The following ZNF341 variants were observed in gnomAD, a reference collection of about 807,000 sequenced individuals.
ZNF341 encodes zinc finger protein 341.
Under a neutral mutation model 87.7 loss-of-function variants are expected in ZNF341, and 52 were observed. The observed-to-expected ratio is 0.59, with a 90% CI of 0.47 to 0.75. ZNF341 has a LOEUF of 0.75. Ranked by LOEUF, ZNF341 falls within the 30% of genes least tolerant of loss-of-function variation. The pLI, the probability that ZNF341 is intolerant of heterozygous loss-of-function variation, is 0.00. For missense variants in ZNF341, 977 were observed against 1,145.9 expected (o/e 0.85, Z 2.13); for synonymous variants, 459 against 472.7 (o/e 0.97, Z 0.38).
At position 33,732,821 on chromosome 20, in the gene ZNF341, A is replaced by G. The variant is rs538804384; in HGVS notation, c.31+769A>G. On this transcript the variant is annotated intron_variant, in intron 1 of 14. Transcript: ENST00000375200. This position sits in a 1 kb window ranked among gnomAD's most constrained non-coding sequence, Gnocchi z 4.5. ...TGGGCTTTGGAGACAGCAAACACTG[A>G]GCACCTCCATGTGTGCATCTGCTGG... Among the ~76,000 whole-genome samples, 1 of 152,242 alleles carries G rather than the reference A, an allele frequency of 6.6e-6. No individual in the cohort carries two copies. Among genetic ancestry groups the G allele is most frequent in the Admixed American group, 6.5e-5 (1 of 15,290 alleles).
intron 13 of ZNF341, 103 bp downstream of exon 13, chr20:33,789,077 CCTT>C (rs1297634454): frequency 9.9e-6 from 8 of 805,518 alleles, no homozygotes; most frequent in Non-Finnish European, 1.3e-5. Flanking sequence ...GCAGGCCTCT[CCTT>C]TTTTTTTTTT....
chr20:33,779,420 A>G (rs2019694967), intron 10 of ZNF341, among the ~76,000 whole-genome samples: 2 of 151,240 alleles, frequency 1.3e-5, no homozygotes, highest in Admixed American at 1.3e-4. Context: ...CACAGATACA[A>G]ACTATGTCAG....
In ZNF341 at chr20:33,791,506, G is replaced by T. The variant is rs148107353; in HGVS notation, c.2554G>T (p.Ala852Ser). The T allele has an allele frequency of 3.2e-6, 5 of 1,559,014 alleles. No homozygotes were observed. Among genetic ancestry groups the T allele is most frequent in the Non-Finnish European group, 4.3e-6 (5 of 1,155,384 alleles). The change falls in exon 15 of 15, where the codon GCC becomes TCC. Residue 852 changes from alanine to serine, a missense_variant. Around this residue, in one of 3 missense-constraint regions of ZNF341, gnomAD observed 221 missense variants for 212.7 expected, o/e 1.04. Transcript: ENST00000375200. ...AMLAVPVYIQ[A>S]SE ...GCTCGCTGTGCCCGTCTACATCCAGGCCTCCGAGTGACGGACCTGAGGTGT... is the reference window on the plus strand; with the variant it reads ...GCTCGCTGTGCCCGTCTACATCCAGTCCTCCGAGTGACGGACCTGAGGTGT...
intron 11 of ZNF341, 37 bp from the exon 12 acceptor site, chr20:33,783,695 C>T (rs767851697): frequency 2.2e-5 from 36 of 1,612,970 alleles, no homozygotes; most frequent in South Asian, 1.2e-4. Context: ...GAGGGGGGCC[C>T]GGTGAGTCAG....
In ZNF341 at chr20:33,781,393, T is replaced by C. The variant is rs1190119106; in HGVS notation, c.1719+6T>C. The C allele has an allele frequency of 1.2e-6, 2 of 1,613,286 alleles. No individual in the cohort carries two copies. The highest frequency in any genetic ancestry group is 2.7e-5 in the African/African-American group (2 of 74,866). ...CCTGCCCACACTGCCAGAAGGTGGG[T>C]GCCACTGTCCTCTTTTCTGGGGCCT... On this transcript the variant is annotated splice_donor_region_variant and intron_variant, in intron 11 of 14. Coordinates refer to ENST00000375200, the MANE Select transcript of ZNF341 (RefSeq NM_001282933.2).
intron 10 of ZNF341, 48 bp downstream of exon 10, chr20:33,770,340 AGGG>A: frequency 2.1e-6 from 1 of 465,534 alleles, no homozygotes; most frequent in Non-Finnish European, 4.5e-6. Context: ...GTGGGTGGGC[AGGG>A]AGCCCAGGGC....
At position 33,791,172 on chromosome 20, in the gene ZNF341, C is replaced by A; in HGVS notation, c.2220C>A (p.Asp740Glu). 1 of 1,613,212 alleles carries A rather than the reference C, an allele frequency of 6.2e-7. No homozygotes were observed. Residue 740 changes from aspartate (D) to glutamate (E), a missense_variant, in exon 15 of 15, where the codon GAC (aspartate) becomes GAA (glutamate). Around this residue, in one of 3 missense-constraint regions of ZNF341, gnomAD observed 221 missense variants for 212.7 expected, o/e 1.04. Transcript: ENST00000375200. ...RCRLGPQKDK[D>E]LQTRRPPQRR... ...GTCTCGGCCCCCAAAAGGACAAGGA[C>A]CTGCAAACCCGGCGGCCCCCCCAGA...
chr20:33,737,725 C>G (rs1163589491), intron 1 of ZNF341, among the ~76,000 whole-genome samples: 1 of 152,098 alleles, frequency 6.6e-6, no homozygotes, highest in Non-Finnish European at 1.5e-5. Flanking sequence ...CTCCTACATG[C>G]AGAGTCTGCT....
intron 3 of ZNF341, among the ~76,000 whole-genome samples, chr20:33,748,455 A>G (rs1156689593): frequency 6.6e-6 from 1 of 151,946 alleles, no homozygotes; most frequent in Non-Finnish European, 1.5e-5. Flanking sequence ...TTTTTCTTTC[A>G]TTCCGTTTTT....
At chr20:33,772,312 C>T (rs1370290042) in intron 10 of ZNF341, among the ~76,000 whole-genome samples, 2 of 152,112 alleles carry the variant, frequency 1.3e-5, no homozygotes, top group Non-Finnish European at 1.5e-5. Flanking sequence ...GGGCCTCCTT[C>T]CAGTTCATTA....
chr20:33,736,571 C>T (rs1279955454), intron 1 of ZNF341, among the ~76,000 whole-genome samples: 1 of 152,074 alleles, frequency 6.6e-6, no homozygotes, highest in African/African-American at 2.4e-5. Context: ...CTCACTGCAA[C>T]CTCCACATCC....
intron 3 of ZNF341, among the ~76,000 whole-genome samples, chr20:33,747,644 AC>A (rs1191537621): frequency 7.3e-6 from 1 of 137,834 alleles, no homozygotes; most frequent in Non-Finnish European, 1.6e-5. Flanking sequence ...AAAAAAAAAC[AC>A]AGTCATTTTT....
chr20:33,758,757 T>A lies in ZNF341; in HGVS notation c.979T>A (p.Cys327Ser). ...PKAQKLKCSY[C>S]DKSFTKNFDL... is the part of the protein sequence containing the mutation. The stretch of plus-strand genomic sequence containing the variant: ...GGCTCAGAAACTCAAGTGCTCATAC[T>A]GTGACAAGTCATTCACCAAAAACTT... Residue 327 changes from cysteine (C) to serine (S), a missense_variant, in exon 7 of 15, where the codon TGT (cysteine) becomes AGT (serine). Around this residue, in one of 3 missense-constraint regions of ZNF341, gnomAD observed 515 missense variants for 598.2 expected, o/e 0.86. Coordinates refer to ENST00000375200, the MANE Select transcript of ZNF341 (RefSeq NM_001282933.2). 6.2e-7 allele frequency: 1 copy of A among 1,614,022 alleles called. No homozygotes were observed. The highest frequency in any genetic ancestry group is 1.1e-5 in the South Asian group (1 of 91,018).
chr20:33,764,525 ATGTG>A (rs540983227), intron 8 of ZNF341, among the ~76,000 whole-genome samples: 6 of 118,972 alleles, frequency 5.0e-5, no homozygotes, highest in South Asian at 2.9e-4. Flanking sequence ...ATGTATATAT[ATGTG>A]TGTGTGTGTA....
Position 33,766,952 on chromosome 20 carries a change from G to C in ZNF341, c.1324G>C (p.Asp442His). The part of the protein sequence containing the change: ...KPESKQVVLI[D>H]SSYLCQFCPS... ...GGAGTCCAAGCAGGTGGTCCTCATC[G>C]ACAGCTCCTACCTGTGCCAATTCTG... The change falls in exon 9 of 15, where the codon GAC (aspartate) becomes CAC (histidine). Residue 442 changes from aspartate (D) to histidine (H), a missense_variant. Transcript: ENST00000375200. 2 of 1,614,184 alleles carry C rather than the reference G, an allele frequency of 1.2e-6. No individual in the cohort carries two copies. Among genetic ancestry groups the C allele is most frequent in the Non-Finnish European group, 1.7e-6 (2 of 1,180,040 alleles).
At chr20:33,781,179 A>AATGAATTAAC in intron 10 of ZNF341, 112 bp from the exon 11 acceptor site, 2 of 769,080 alleles carry the variant, frequency 2.6e-6, no homozygotes, top group African/African-American at 3.4e-5. Context: ...ATGGATTTGG[A>AATGAATTAAC]ATGAATTAAC....
intron 10 of ZNF341, among the ~76,000 whole-genome samples, chr20:33,779,984 A>T (rs2019709022): frequency 6.6e-6 from 1 of 152,226 alleles, no homozygotes; most frequent in African/African-American, 2.4e-5. Context: ...ACAATAACCA[A>T]GTAAGCAAAT....
At chr20:33,752,800 C>T (rs984549191) in intron 4 of ZNF341, among the ~76,000 whole-genome samples, 12 of 151,802 alleles carry the variant, frequency 7.9e-5, no homozygotes, top group Non-Finnish European at 1.5e-4. Flanking sequence ...TACAGGCGCC[C>T]GCCACCACGC....
rs555146837 is a variant in ZNF341, at chr20:33,780,447, G to A, written c.1623-844G>A. ...TTTTGAGACAGAGTCTCACTCTGCC[G>A]CCCAGGCTGGAGTGCAGTGGTGCGA... is the stretch of plus-strand genomic sequence containing the variant. On this transcript the variant is annotated intron_variant, in intron 10 of 14. Coordinates refer to ENST00000375200, the MANE Select transcript of ZNF341 (RefSeq NM_001282933.2). Among the ~76,000 whole-genome samples the A allele has an allele frequency of 2.1e-3, 323 of 151,922 alleles. 1 individual carries two copies. The highest frequency in any genetic ancestry group is 7.3e-3 in the African/African-American group (301 of 41,402).
Sources: allele counts gnomAD v4.1 joint callset (sites outside exome capture counted in the v4.1 genomes callset), GRCh38; gene constraint gnomAD v4.1.1; regional missense constraint gnomAD v4.1.1; non-coding constraint Gnocchi (gnomAD v3.1); transcripts MANE v1.5; gene names NCBI Gene and HGNC (gene_info 2026-07-23, HGNC 2026-07-21).